RANBP2: variants seen among roughly 807,000 people sequenced by gnomAD.
RANBP2 encodes E3 SUMO-protein ligase RanBP2.
In RANBP2, 57 loss-of-function variants were observed where a neutral mutation model predicts 303.6. The ratio of observed to expected loss-of-function variants is 0.19; its 90% CI spans 0.15 to 0.23. The LOEUF is 0.23. Among genes scored for constraint, RANBP2 ranks in the 10% least tolerant of loss-of-function variants. The pLI, the probability that RANBP2 is intolerant of heterozygous loss-of-function variation, is 1.00. For missense variants in RANBP2, 3,138 were observed against 3,780.8 expected, an observed-to-expected ratio of 0.83 and a Z score of 4.46; for synonymous variants, 1,167 against 1,301.5, an observed-to-expected ratio of 0.90 and a Z score of 2.23.
At chr2:109,439,966 G>A in the RANBP2 span, among the ~76,000 whole-genome samples, 17 of 152,270 alleles carry the variant, frequency 1.1e-4, no homozygotes, top group South Asian at 2.3e-3. Flanking sequence ...TTGGGAGTAG[G>A]GCATATGGAA....
At chr2:108,789,064 AC>A, downstream of RANBP2, 1 of 1,274,340 alleles carries the variant, frequency 7.8e-7, no homozygotes, top group South Asian at 1.3e-5. Flanking sequence ...TTTCCTGAGG[AC>A]AAGTATGAGG....
chr2:108,744,641 A>G (rs1029116949), intron 7 of RANBP2, among the ~76,000 whole-genome samples: 7 of 152,268 alleles, frequency 4.6e-5, no homozygotes, highest in Non-Finnish European at 7.3e-5. Context: ...ACTTGTGAGT[A>G]AAAGGATAGG....
the RANBP2 span, among the ~76,000 whole-genome samples, chr2:109,663,471 C>T: frequency 6.6e-6 from 1 of 152,188 alleles, no homozygotes. Flanking sequence ...ATAAAAATTC[C>T]TACTCCTGTT....
At chr2:109,340,092 G>C in the RANBP2 span, among the ~76,000 whole-genome samples, 1 of 152,310 alleles carries the variant, frequency 6.6e-6, no homozygotes, top group African/African-American at 2.4e-5. Flanking sequence ...GGGAGTGTCT[G>C]GTGGGGAGTA....
the RANBP2 span, among the ~76,000 whole-genome samples, chr2:109,382,758 C>T: frequency 6.6e-6 from 1 of 152,266 alleles, no homozygotes; most frequent in Non-Finnish European, 1.5e-5. Context: ...CCAGGGCCCG[C>T]AGCTGATGAG....
chr2:109,552,285 T>A, the RANBP2 span, among the ~76,000 whole-genome samples: 1 of 152,150 alleles, frequency 6.6e-6, no homozygotes, highest in Non-Finnish European at 1.5e-5. Flanking sequence ...CCTAACTACA[T>A]CCTGAGAGAC....
At chr2:109,686,850 C>T in the RANBP2 span, among the ~76,000 whole-genome samples, 146 of 152,186 alleles carry the variant, frequency 9.6e-4, no homozygotes, top group Non-Finnish European at 1.4e-3. Flanking sequence ...TGAGCACAAG[C>T]GATCTGCCTC....
the RANBP2 span, chr2:108,894,814 G>T: frequency 6.6e-6 from 1 of 152,156 alleles, no homozygotes; most frequent in East Asian, 1.9e-4. Context: ...ATGGCAGGTG[G>T]AGAGCCAATG....
chr2:108,826,459 A>AT, the RANBP2 span, among the ~76,000 whole-genome samples: 2 of 152,012 alleles, frequency 1.3e-5, no homozygotes, highest in African/African-American at 4.8e-5. Context: ...GTGTAACCTC[A>AT]TTTTTTACCT....
At chr2:108,869,375 GAGA>G in the RANBP2 span, among the ~76,000 whole-genome samples, 1 of 152,200 alleles carries the variant, frequency 6.6e-6, no homozygotes, top group Non-Finnish European at 1.5e-5. Flanking sequence ...TTCCTCAGGA[GAGA>G]AGGATTCAAG....
chr2:109,572,609 CTT>C, the RANBP2 span, among the ~76,000 whole-genome samples: 30 of 111,208 alleles, frequency 2.7e-4, no homozygotes, highest in African/African-American at 9.8e-4. Context: ...TTTAAAACAA[CTT>C]TTTTTTTTTT....
At chr2:109,765,826 G>T in the RANBP2 span, among the ~76,000 whole-genome samples, 1 of 150,996 alleles carries the variant, frequency 6.6e-6, no homozygotes, top group African/African-American at 2.4e-5. Context: ...ACTGCCAGGG[G>T]ACATGCGCAG....
At chr2:109,276,482 C>G in the RANBP2 span, among the ~76,000 whole-genome samples, 1 of 152,128 alleles carries the variant, frequency 6.6e-6, no homozygotes, top group South Asian at 2.1e-4. Context: ...GCCCAGGTGT[C>G]GCTGCATGGA....
the RANBP2 span, among the ~76,000 whole-genome samples, chr2:109,676,409 T>G: frequency 1.3e-5 from 2 of 152,214 alleles, no homozygotes. Context: ...AGAAGCCAGA[T>G]GTACCTGACA....
the RANBP2 span, among the ~76,000 whole-genome samples, chr2:109,020,625 A>C: frequency 6.6e-6 from 1 of 152,234 alleles, no homozygotes; most frequent in Non-Finnish European, 1.5e-5. Context: ...ACAATAATCT[A>C]ACAATGAGGA....
chr2:109,582,141 T>C, the RANBP2 span, among the ~76,000 whole-genome samples: 1 of 151,488 alleles, frequency 6.6e-6, no homozygotes, highest in Admixed American at 6.6e-5. Context: ...CCTAGGAATA[T>C]ATCTAACCAA....
chr2:108,789,969 T>C (rs991345262), downstream of RANBP2, among the ~76,000 whole-genome samples: 1 of 152,226 alleles, frequency 6.6e-6, no homozygotes. Flanking sequence ...CATGAAATGT[T>C]GAAATAATTG....
At chr2:108,864,199 A>G in the RANBP2 span, among the ~76,000 whole-genome samples, 1 of 152,356 alleles carries the variant, frequency 6.6e-6, no homozygotes, top group Admixed American at 6.5e-5. Flanking sequence ...GATGGGGGAT[A>G]AAATCTAACC....
At chr2:109,614,330 G>A in the RANBP2 span, 2 of 653,992 alleles carry the variant, frequency 3.1e-6, no homozygotes, top group East Asian at 4.1e-5. Context: ...CCCGGGCGCG[G>A]CCCAGTGAGG....
Sources: allele counts gnomAD v4.1 joint callset (sites outside exome capture counted in the v4.1 genomes callset), GRCh38; gene constraint gnomAD v4.1.1; transcripts MANE v1.5; gene names NCBI Gene and HGNC (gene_info 2026-07-23, HGNC 2026-07-21).